Variants in SAMSN1 observed in about 807,000 individuals in gnomAD.
The protein encoded by SAMSN1 is SAM domain-containing protein SAMSN-1.
A neutral mutation model predicts 42.0 loss-of-function variants in SAMSN1; 31 were observed. The ratio of observed to expected loss-of-function variants is 0.74; its 90% CI spans 0.55 to 1.00. The LOEUF is 1.00. SAMSN1 is among the 50% of genes least tolerant of loss of function. The probability of loss-of-function intolerance (pLI) is 0.00; values close to 1 mark genes in which losing one functional copy is unlikely to be tolerated. For synonymous variants in SAMSN1, 178 were observed against 151.9 expected, an observed-to-expected ratio of 1.17 and a Z score of -1.26; for missense variants, 464 against 439.4, an observed-to-expected ratio of 1.06 and a Z score of -0.50.
rs77620908 is a variant in SAMSN1 at position 14,607,734 on chromosome 21, T to A, written c.322+1748A>T. ...GAATTCCGTGCCTATTATTCCCAAA[T>A]TAACAAAACAAAACAAAAACATACA... On this transcript the variant is annotated intron_variant, in intron 5 of 15. Transcript: ENST00000647101. Among the ~76,000 whole-genome samples, 1,295 of 152,230 alleles carry A rather than the reference T, an allele frequency of 8.5e-3. 21 individuals carry two copies. Among genetic ancestry groups the A allele is most frequent in the African/African-American group, 0.03 (1,248 of 41,514 alleles).
chr21:14,514,256 G>A (rs536705004), intron 3 of SAMSN1, among the ~76,000 whole-genome samples: 1 of 152,184 alleles, frequency 6.6e-6, no homozygotes, highest in East Asian at 1.9e-4. Context: ...TTACGTTGCA[G>A]TCTAAAGGCT....
chr21:14,493,049 C>T (rs1473600981), intron 7 of SAMSN1, among the ~76,000 whole-genome samples: 1 of 152,172 alleles, frequency 6.6e-6, no homozygotes, highest in Non-Finnish European at 1.5e-5. Context: ...TACAAATCTC[C>T]CCTGCTGACA....
At chr21:14,617,944 C>T (rs1453696270) in intron 2 of SAMSN1, among the ~76,000 whole-genome samples, 4 of 152,126 alleles carry the variant, frequency 2.6e-5, no homozygotes, top group Non-Finnish European at 4.4e-5. Context: ...GGTATGGGAC[C>T]CACACAAAGC....
In SAMSN1 at chr21:14,594,490, A is replaced by G. The variant is rs75575159; in HGVS notation, c.400-412T>C. ...CCACTCTAATCCCTTAGTGCTCTAC[A>G]TTATTAGGTACACAATGGACATCCA... On this transcript the variant is annotated intron_variant, in intron 6 of 15. Coordinates refer to the SAMSN1 transcript ENST00000647101. 5.9e-4 allele frequency among the ~76,000 whole-genome samples: 90 copies of G among 152,258 alleles called. No homozygotes were observed. In the East Asian group the frequency reaches 0.011, roughly 18 times the overall value.
upstream of SAMSN1, chr21:14,585,269 A>C (rs920194712): frequency 2.0e-5 from 3 of 151,974 alleles, no homozygotes; most frequent in African/African-American, 7.3e-5. Flanking sequence ...GCCATTTTCT[A>C]CTCTTTAGAC....
rs562875018 is a variant in SAMSN1 at position 14,635,963 on chromosome 21, C to T, written c.156+7039G>A. Among the ~76,000 whole-genome samples the T allele has an allele frequency of 1.9e-4, 29 of 152,198 alleles. 1 individual carries two copies. The South Asian group carries it at 5.8e-3, about 31-fold the overall frequency. On this transcript the variant is annotated intron_variant, in intron 2 of 15. Transcript: ENST00000647101. Reference sequence around the variant, plus strand: ...CTCCTAATGCTATCCCTCCCCCAGTCCCCCACCCCACAACAGGCCCTGGTG... The same window carrying T: ...CTCCTAATGCTATCCCTCCCCCAGTTCCCCACCCCACAACAGGCCCTGGTG...
intron 2 of SAMSN1, among the ~76,000 whole-genome samples, chr21:14,622,451 T>C (rs1236578453): frequency 6.6e-6 from 1 of 152,190 alleles, no homozygotes; most frequent in Non-Finnish European, 1.5e-5. Context: ...CTGAAAACCA[T>C]GGTACAAGAA....
chr21:14,593,320 C>T (rs1252402423), intron 7 of SAMSN1, among the ~76,000 whole-genome samples: 3 of 152,058 alleles, frequency 2.0e-5, no homozygotes, highest in Non-Finnish European at 4.4e-5. Context: ...TTGTAGTGTT[C>T]TGAAGCCATC....
chr21:14,564,202 C>T (rs973351745), intron 2 of SAMSN1, among the ~76,000 whole-genome samples: 4 of 152,090 alleles, frequency 2.6e-5, no homozygotes, highest in African/African-American at 9.7e-5. Flanking sequence ...TACATACTGA[C>T]TTGAAGAAGG....
rs548699295 is a variant in SAMSN1 at position 14,631,395 on chromosome 21, T to A, written c.156+11607A>T. ...AAGAGTTTAAAGAACTTGTCCAAGG[T>A]GGGATTTGTTTGTTTGTTTGTTTTT... On this transcript the variant is annotated intron_variant, in intron 2 of 15. Transcript: ENST00000647101. Among the ~76,000 whole-genome samples, 7 of 152,010 alleles carry A rather than the reference T, an allele frequency of 4.6e-5. No individual in the cohort carries two copies. The South Asian group carries it at 1.2e-3, about 27-fold the overall frequency.
intron 1 of SAMSN1, among the ~76,000 whole-genome samples, chr21:14,526,619 G>A (rs1978877831): frequency 6.6e-6 from 1 of 152,092 alleles, no homozygotes; most frequent in African/African-American, 2.4e-5. Flanking sequence ...TCTCAATAAG[G>A]AAACTGTTGA....
chr21:14,610,609 A>G (rs1033358), intron 4 of SAMSN1, among the ~76,000 whole-genome samples: 152,308 of 152,308 alleles, frequency 1, 76,154 homozygotes, highest in Non-Finnish European at 1. Context: ...GGGCATCACA[A>G]AACCTGCTGA....
upstream of SAMSN1, among the ~76,000 whole-genome samples, chr21:14,547,942 T>A (rs138851992): frequency 1.8e-4 from 28 of 152,246 alleles, no homozygotes; most frequent in East Asian, 3.9e-3. Context: ...ATTGAGTTAG[T>A]GTTTTCAAAA....
At chr21:14,629,212 TA>T (rs1287802576) in intron 2 of SAMSN1, among the ~76,000 whole-genome samples, 3 of 152,186 alleles carry the variant, frequency 2.0e-5, no homozygotes, top group African/African-American at 7.2e-5. Flanking sequence ...CTTCAAGCCC[TA>T]ATACTAATAA....
chr21:14,622,053 A>C lies in SAMSN1; in HGVS notation c.157-6037T>G, dbSNP rs191037797. On this transcript the variant is annotated intron_variant, in intron 2 of 15. Transcript: ENST00000647101. ...CTCCAGCAAACACCAACATACCTGC[A>C]GCTGAGGGTCCTGACTGCTAGAAGG... Among the ~76,000 whole-genome samples the C allele has an allele frequency of 2.6e-5, 4 of 152,378 alleles. No homozygotes were observed. In the East Asian group the frequency reaches 7.7e-4, roughly 29 times the overall value.
chr21:14,622,027 C>T (rs936049252), intron 2 of SAMSN1, among the ~76,000 whole-genome samples: 11 of 152,214 alleles, frequency 7.2e-5, no homozygotes, highest in African/African-American at 2.2e-4. Flanking sequence ...CTGGAGTGGA[C>T]CTCCAGCAAA....
intron 1 of SAMSN1, among the ~76,000 whole-genome samples, chr21:14,523,920 T>C (rs1157474089): frequency 6.6e-6 from 1 of 152,220 alleles, no homozygotes; most frequent in African/African-American, 2.4e-5. Flanking sequence ...ACTGGACTAT[T>C]ACTTTGGGTT....
intron 7 of SAMSN1, among the ~76,000 whole-genome samples, chr21:14,488,132 G>T (rs919839626): frequency 6.6e-6 from 1 of 152,000 alleles, no homozygotes; most frequent in Non-Finnish European, 1.5e-5. Flanking sequence ...TTATCCAAGT[G>T]TTTCTAGAAA....
At chr21:14,606,921 A>AT (rs1177009725) in intron 5 of SAMSN1, among the ~76,000 whole-genome samples, 1 of 152,182 alleles carries the variant, frequency 6.6e-6, no homozygotes, top group South Asian at 2.1e-4. Context: ...AGCCTATGGA[A>AT]TTTTTTCATC....
Sources: gnomAD v4.1 joint callset for allele counts (sites outside exome capture counted in the v4.1 genomes callset) on GRCh38, gnomAD v4.1.1 for gene constraint, MANE v1.5 for transcripts, NCBI Gene and HGNC (gene_info 2026-07-23, HGNC 2026-07-21) for gene names.